UBAP2: variants seen among roughly 807,000 people sequenced by gnomAD.
UBAP2 encodes the protein ubiquitin associated protein 2, also known as ubiquitin-associated protein 2.
UBAP2 carries 75 observed loss-of-function variants against 139.6 expected under a neutral mutation model. That is an observed-to-expected ratio of 0.54 (90% CI 0.45 to 0.65). The LOEUF is 0.65. Among genes scored for constraint, UBAP2 ranks in the 30% least tolerant of loss-of-function variants. UBAP2 has a pLI of 0.00. For synonymous variants in UBAP2, 526 were observed against 526.2 expected, an observed-to-expected ratio of 1.00 and a Z score of 0.01; for missense variants, 1,368 against 1,369.6, an observed-to-expected ratio of 1.00 and a Z score of 0.02.
chr9:33,974,291 T>C (rs1828131043), intron 6 of UBAP2, among the ~76,000 whole-genome samples: 1 of 151,966 alleles, frequency 6.6e-6, no homozygotes, highest in South Asian at 2.1e-4. Context: ...TTGGACTGCT[T>C]CAGCTCAGGA....
At chr9:33,942,873 C>T (rs1046169572) in intron 15 of UBAP2, among the ~76,000 whole-genome samples, 2 of 152,116 alleles carry the variant, frequency 1.3e-5, no homozygotes, top group African/African-American at 4.8e-5. Context: ...AATGCTACAG[C>T]CACAGTGGAA....
chr9:33,957,698 C>T (rs567469917), intron 10 of UBAP2, among the ~76,000 whole-genome samples: 1 of 152,144 alleles, frequency 6.6e-6, no homozygotes, highest in Non-Finnish European at 1.5e-5. Context: ...AAATGTTGAT[C>T]TAATGAGGTA....
intron 15 of UBAP2, 132 bp downstream of exon 15, chr9:33,943,288 G>A: frequency 4.8e-6 from 4 of 825,642 alleles, no homozygotes; most frequent in Non-Finnish European, 7.3e-6. Flanking sequence ...ACAGGTATGG[G>A]GTTTCTTATG....
At chr9:34,000,911 T>A (rs1365552341) in intron 2 of UBAP2, among the ~76,000 whole-genome samples, 1 of 152,190 alleles carries the variant, frequency 6.6e-6, no homozygotes, top group Admixed American at 6.5e-5. Context: ...AAAAAGACAT[T>A]GGTACAGAAA....
intron 1 of UBAP2, among the ~76,000 whole-genome samples, chr9:34,047,674 T>C (rs1827727188): frequency 6.6e-6 from 1 of 152,204 alleles, no homozygotes; most frequent in Non-Finnish European, 1.5e-5. Context: ...GGATACCTTA[T>C]GGAGACCTGA....
intron 6 of UBAP2, among the ~76,000 whole-genome samples, chr9:33,982,515 T>C (rs1176517231): frequency 6.6e-6 from 1 of 152,082 alleles, no homozygotes; most frequent in Non-Finnish European, 1.5e-5. Context: ...AGTGCCCATT[T>C]TGTCGCCCAG....
chr9:34,039,325 G>A (rs1197667152), intron 1 of UBAP2, among the ~76,000 whole-genome samples: 5 of 152,172 alleles, frequency 3.3e-5, no homozygotes, highest in African/African-American at 1.2e-4. Flanking sequence ...GAGCCCCTCT[G>A]CCCGGCCGCC....
At chr9:34,020,332 T>C (rs1239645382) in intron 1 of UBAP2, among the ~76,000 whole-genome samples, 2 of 151,918 alleles carry the variant, frequency 1.3e-5, no homozygotes, top group East Asian at 1.9e-4. Context: ...ATGATTTTTT[T>C]TTTTTTAAGA....
rs755586638 is a variant in UBAP2 at position 33,923,940 on chromosome 9, G to A, written c.2651C>T (p.Ala884Val). Residue 884 changes from alanine to valine, a missense_variant, in exon 24 of 29, where the codon GCT becomes GTT. Physicochemically the swap from Ala to Val is moderately conservative, Grantham distance 64. Transcript: ENST00000379238. ...SASPAPATTP[A>V]QPQQSQSQTH... ...CTGTGATTGGCTCTGCTGTGGCTGAGCTGGTGTGGTAGCGGGTGCAGGGGA... is the reference window on the plus strand; with the variant it reads ...CTGTGATTGGCTCTGCTGTGGCTGAACTGGTGTGGTAGCGGGTGCAGGGGA... 9.9e-6 allele frequency: 16 copies of A among 1,614,084 alleles called. No individual in the cohort carries two copies. The African/African-American group carries it at 2.0e-4, about 20-fold the overall frequency.
intron 13 of UBAP2, among the ~76,000 whole-genome samples, chr9:33,945,584 C>G (rs532446379): frequency 2.0e-4 from 30 of 152,322 alleles, no homozygotes; most frequent in South Asian, 1.0e-3. Flanking sequence ...CCCATACTTG[C>G]TCCACAAAGG....
At chr9:34,035,514 A>AAAAAATATATAT in intron 1 of UBAP2, among the ~76,000 whole-genome samples, 12 of 22,484 alleles carry the variant, frequency 5.3e-4, no homozygotes, top group East Asian at 1.8e-3. Flanking sequence ...AAAAAAAAAA[A>AAAAAATATATAT]ATATATATAT....
chr9:34,012,098 T>C (rs1823801929), intron 2 of UBAP2, among the ~76,000 whole-genome samples: 1 of 152,218 alleles, frequency 6.6e-6, no homozygotes, highest in Non-Finnish European at 1.5e-5. Context: ...TCTAAGACAT[T>C]TTATATCATA....
At chr9:34,000,381 A>C (rs527856775) in intron 2 of UBAP2, among the ~76,000 whole-genome samples, 3 of 152,224 alleles carry the variant, frequency 2.0e-5, no homozygotes, top group Non-Finnish European at 4.4e-5. Context: ...AAAAAATCAG[A>C]AAAGTTCTAA....
In UBAP2 at chr9:34,016,370, C is replaced by CGGCGGCGGCGGCGGTGGTGGT. The variant is rs1321174650; in HGVS notation, c.99+679_99+680insACCACCACCGCCGCCGCCGCC. ...GAGGAGGCAGCAGCGGCGGCAGCGG[C>CGGCGGCGGCGGCGGTGGTGGT]GGTGGTGGTGGTGGTGGTGGTGGTG... On this transcript the variant is annotated intron_variant, in intron 2 of 28. Coordinates refer to ENST00000379238, the MANE Select transcript of UBAP2 (RefSeq NM_001370062.2). Among the ~76,000 whole-genome samples the CGGCGGCGGCGGCGGTGGTGGT allele has an allele frequency of 8.0e-4, 75 of 93,734 alleles. 3 individuals carry two copies. The highest frequency in any genetic ancestry group is 3.2e-3 in the African/African-American group (65 of 20,546). The allele number at this position is 93,734 out of a possible 152,430, so 61.5% of individuals were successfully genotyped here.
intron 12 of UBAP2, among the ~76,000 whole-genome samples, chr9:33,952,041 TAC>T (rs1437475385): frequency 6.6e-6 from 1 of 152,196 alleles, no homozygotes; most frequent in East Asian, 1.9e-4. Flanking sequence ...ATGATATGGC[TAC>T]ACAGAGTAGA....
intron 6 of UBAP2, among the ~76,000 whole-genome samples, chr9:33,977,319 G>C (rs578228076): frequency 6.6e-6 from 1 of 152,096 alleles, no homozygotes; most frequent in South Asian, 2.1e-4. Flanking sequence ...TTACAGGCGT[G>C]AACCACCGCG....
Position 33,932,626 on chromosome 9 carries a change from G to A in UBAP2, c.2111C>T (p.Ser704Leu), listed in dbSNP as rs541387259. The A allele has an allele frequency of 9.3e-6, 15 of 1,613,944 alleles. No individual in the cohort carries two copies. The highest frequency in any genetic ancestry group is 8.8e-5 in the South Asian group (8 of 91,050). ...TSSPLSQLSS[S>L]LSSHQSSLSA... ...GAGGCTGCTCTGGTGGCTGGAGAGC[G>A]AACTAGAAGACAAAACAGAGCGCCG... The change falls in exon 19 of 29, where the codon TCG becomes TTG. Residue 704 changes from serine (S) to leucine (L), a missense_variant and splice_region_variant. Physicochemically the swap from Ser to Leu is moderately radical, Grantham distance 145. Coordinates refer to ENST00000379238, the MANE Select transcript of UBAP2 (RefSeq NM_001370062.2).
At chr9:33,994,910 G>A (rs1238807233) in intron 4 of UBAP2, 9 of 152,136 alleles carry the variant, frequency 5.9e-5, no homozygotes, top group Non-Finnish European at 1.3e-4. Flanking sequence ...ACCCTAAAAT[G>A]AGACTTCAAT....
chr9:33,943,394 T>C, intron 15 of UBAP2, 26 bp downstream of exon 15: 2 of 1,611,534 alleles, frequency 1.2e-6, no homozygotes, highest in Non-Finnish European at 1.7e-6. Flanking sequence ...CTATTTTGCT[T>C]CATAACAAAG....
Sources: allele counts gnomAD v4.1 joint callset (sites outside exome capture counted in the v4.1 genomes callset), GRCh38; gene constraint gnomAD v4.1.1; transcripts MANE v1.5; gene names NCBI Gene and HGNC (gene_info 2026-07-23, HGNC 2026-07-21).